The following CFAP221 variants were observed in gnomAD, a reference collection of about 807,000 sequenced individuals.
CFAP221 encodes cilia- and flagella-associated protein 221.
A neutral mutation model predicts 113.1 loss-of-function variants in CFAP221; 97 were observed. That is an observed-to-expected ratio of 0.86 (90% CI 0.73 to 1.02). The LOEUF (loss-of-function observed/expected upper bound fraction) is 1.02, where lower values mean the gene tolerates loss of function less well. Among genes scored for constraint, CFAP221 ranks in the 50% least tolerant of loss-of-function variants. The pLI, the probability that CFAP221 is intolerant of heterozygous loss-of-function variation, is 0.00. For synonymous variants in CFAP221, 331 were observed against 354.4 expected, an observed-to-expected ratio of 0.93 and a Z score of 0.74; for missense variants, 1,025 against 1,013.4, an observed-to-expected ratio of 1.01 and a Z score of -0.16.
At chr2:119,591,649 C>G (rs1683606412) in intron 7 of CFAP221, among the ~76,000 whole-genome samples, 1 of 152,148 alleles carries the variant, frequency 6.6e-6, no homozygotes, top group South Asian at 2.1e-4. Flanking sequence ...TGAACTTGAC[C>G]CAGAGGACAA....
chr2:119,558,034 A>G (rs1449475784), intron 3 of CFAP221, among the ~76,000 whole-genome samples: 1 of 151,750 alleles, frequency 6.6e-6, no homozygotes, highest in Non-Finnish European at 1.5e-5. Flanking sequence ...CCCAGGGTAC[A>G]TATTAAAACC....
intron 19 of CFAP221, among the ~76,000 whole-genome samples, chr2:119,632,896 T>C (rs1686875154): frequency 6.6e-6 from 1 of 151,884 alleles, no homozygotes; most frequent in Admixed American, 6.6e-5. Context: ...AACAATAGCA[T>C]CAAAACATGA....
At chr2:119,550,696 A>T (rs553459534) in intron 3 of CFAP221, among the ~76,000 whole-genome samples, 2 of 152,320 alleles carry the variant, frequency 1.3e-5, no homozygotes, top group Admixed American at 6.5e-5. Context: ...ATAAAATTTT[A>T]TTACTTGCTC....
intron 8 of CFAP221, chr2:119,602,877 T>G: frequency 2.9e-6 from 2 of 680,092 alleles, no homozygotes; most frequent in Non-Finnish European, 3.6e-6. Flanking sequence ...GGCTGTGCTT[T>G]TACATGCACG....
chr2:119,659,329 T>C (rs1688543068), downstream of CFAP221, among the ~76,000 whole-genome samples: 1 of 152,238 alleles, frequency 6.6e-6, no homozygotes, highest in Admixed American at 6.5e-5. Context: ...GCTTTCTTTG[T>C]CTCCTACTCC....
Position 119,625,665 on chromosome 2 carries a change from A to G in CFAP221, c.1493A>G (p.Gln498Arg). The change falls in exon 15 of 24, where the codon CAA becomes CGA. Residue 498 changes from glutamine (Q) to arginine (R), a missense_variant. Gln to Arg is a conservative substitution (Grantham distance 43). Coordinates refer to ENST00000413369, the MANE Select transcript of CFAP221 (RefSeq NM_001271049.2). Reference protein sequence around the residue: ...DKESILRKIGQAKQSIAQEAN... With the variant: ...DKESILRKIGRAKQSIAQEAN... Reference sequence around the variant, plus strand: ...GAGAGTATACTGAGAAAGATTGGCCAAGCAAAACAATCGATAGCACAAGGT... The same window carrying G: ...GAGAGTATACTGAGAAAGATTGGCCGAGCAAAACAATCGATAGCACAAGGT... The G allele has an allele frequency of 6.2e-7, 1 of 1,611,416 alleles. No individual in the cohort carries two copies. The highest frequency in any genetic ancestry group is 2.2e-5 in the East Asian group (1 of 44,864).
At position 119,562,160 on chromosome 2, in the gene CFAP221, AAG is replaced by A. The variant is rs558110173; in HGVS notation, c.527+50_527+51del. 6.6e-4 allele frequency: 872 copies of A among 1,311,470 alleles called. 3 individuals are homozygous for A. The Middle Eastern group carries it at 0.011, about 16-fold the overall frequency. 81.2% of individuals were successfully genotyped at this position (1,311,470 alleles called of 1,614,324 possible). On this transcript the variant is annotated intron_variant, in intron 6 of 23. Transcript: ENST00000413369. ...CAAAATGTATAGGATGTGAAAAACT[AAG>A]AGATACTCATACAAAACCTTAGACT...
intron 1 of CFAP221, among the ~76,000 whole-genome samples, chr2:119,545,626 A>T (rs1028758584): frequency 6.6e-6 from 1 of 152,214 alleles, no homozygotes; most frequent in Non-Finnish European, 1.5e-5. Flanking sequence ...AGTGTCCTGT[A>T]AACAGTGCCT....
chr2:119,641,646 A>T (rs1687496074), intron 21 of CFAP221, among the ~76,000 whole-genome samples: 1 of 152,136 alleles, frequency 6.6e-6, no homozygotes, highest in Admixed American at 6.5e-5. Context: ...AAGTGCAATG[A>T]TCTTGTGAAG....
chr2:119,656,405 A>G lies in CFAP221; in HGVS notation c.2458A>G (p.Lys820Glu), dbSNP rs1307386400. 1.2e-6 allele frequency: 2 copies of G among 1,613,908 alleles called. No individual in the cohort carries two copies. ...QAQPAEKAGEKLLEEMRNLRG... is the reference protein window; with the variant it reads ...QAQPAEKAGEELLEEMRNLRG... ...ACAACCAGCAGAGAAGGCCGGAGAG[A>G]AGCTGCTCGAGGAGATGAGGAACCT... Residue 820 changes from lysine (K) to glutamate (E), a missense_variant, in exon 24 of 24, where the codon AAG (lysine) becomes GAG (glutamate). Coordinates refer to ENST00000413369, the MANE Select transcript of CFAP221 (RefSeq NM_001271049.2).
At chr2:119,635,531 G>A (rs973103330) in intron 19 of CFAP221, among the ~76,000 whole-genome samples, 1 of 152,126 alleles carries the variant, frequency 6.6e-6, no homozygotes, top group African/African-American at 2.4e-5. Flanking sequence ...GTGTGGAGGG[G>A]CAGGAAGTGA....
intron 11 of CFAP221, among the ~76,000 whole-genome samples, chr2:119,607,325 A>G (rs1684844598): frequency 6.6e-6 from 1 of 152,072 alleles, no homozygotes; most frequent in Admixed American, 6.6e-5. Flanking sequence ...GTTTTTGAAG[A>G]GAGGTGTCTG....
intron 19 of CFAP221, among the ~76,000 whole-genome samples, chr2:119,636,939 C>T (rs988229679): frequency 2.6e-5 from 4 of 152,216 alleles, no homozygotes; most frequent in South Asian, 2.1e-4. Flanking sequence ...CCAAGAGAGG[C>T]GGCCACATGG....
chr2:119,652,470 G>A (rs761706621), intron 23 of CFAP221, among the ~76,000 whole-genome samples: 1 of 152,194 alleles, frequency 6.6e-6, no homozygotes, highest in Non-Finnish European at 1.5e-5. Flanking sequence ...TTCCTCATCT[G>A]TAGCATGCAG....
chr2:119,582,280 A>G (rs967639398), intron 6 of CFAP221, among the ~76,000 whole-genome samples: 2 of 152,202 alleles, frequency 1.3e-5, no homozygotes, highest in African/African-American at 4.8e-5. Flanking sequence ...ACCATTTTTA[A>G]AAGTCAGTAC....
At chr2:119,649,881 C>T (rs1688024985) in intron 22 of CFAP221, among the ~76,000 whole-genome samples, 1 of 152,210 alleles carries the variant, frequency 6.6e-6, no homozygotes, top group Non-Finnish European at 1.5e-5. Flanking sequence ...CCTCCTGTAG[C>T]AACCCTACTG....
At chr2:119,587,089 T>C (rs1034437546) in intron 6 of CFAP221, 30 bp from the exon 7 acceptor site, 1 of 1,430,266 alleles carries the variant, frequency 7.0e-7, no homozygotes, top group Non-Finnish European at 9.3e-7. Context: ...AAAAATAATA[T>C]TTTTATTTTC....
At position 119,645,896 on chromosome 2, in the gene CFAP221, C is replaced by A. The variant is rs1285078495; in HGVS notation, c.2226-1062C>A. Among the ~76,000 whole-genome samples the A allele has an allele frequency of 1.3e-5, 2 of 152,092 alleles. 1 individual carries two copies. On this transcript the variant is annotated intron_variant, in intron 21 of 23. Transcript: ENST00000413369. Reference sequence around the variant, plus strand: ...ATTGAAAACTTTTATCCATTGATTTCTTTTCTGTTGTTCTCTTTGCTGTTG... The same window carrying A: ...ATTGAAAACTTTTATCCATTGATTTATTTTCTGTTGTTCTCTTTGCTGTTG...
intron 3 of CFAP221, among the ~76,000 whole-genome samples, chr2:119,553,142 A>T (rs1680544274): frequency 6.6e-6 from 1 of 152,232 alleles, no homozygotes; most frequent in Admixed American, 6.5e-5. Context: ...AGGAAGTCCA[A>T]AGAAAATGTT....
Sources: allele counts gnomAD v4.1 joint callset (sites outside exome capture counted in the v4.1 genomes callset), GRCh38; gene constraint gnomAD v4.1.1; transcripts MANE v1.5; gene names NCBI Gene and HGNC (gene_info 2026-07-23, HGNC 2026-07-21).